Variants in GARNL3 observed in about 807,000 individuals in gnomAD.
The protein encoded by GARNL3 is GTPase activating Rap/RanGAP domain like 3, also known as GTPase-activating Rap/Ran-GAP domain-like protein 3.
In GARNL3, 63 loss-of-function variants were observed where a neutral mutation model predicts 125.0. The ratio of observed to expected loss-of-function variants is 0.50; its 90% CI spans 0.41 to 0.62. The LOEUF (loss-of-function observed/expected upper bound fraction) is 0.62. Among genes scored for constraint, GARNL3 ranks in the 20% least tolerant of loss-of-function variants. The pLI, the probability that GARNL3 is intolerant of heterozygous loss-of-function variation, is 0.00. For missense variants in GARNL3, 994 were observed against 1,244.0 expected, an observed-to-expected ratio of 0.80 and a Z score of 3.02; for synonymous variants, 439 against 457.5, an observed-to-expected ratio of 0.96 and a Z score of 0.52.
At chr9:127,365,608 G>A (rs1457919553) in intron 22 of GARNL3, among the ~76,000 whole-genome samples, 1 of 152,202 alleles carries the variant, frequency 6.6e-6, no homozygotes, top group Non-Finnish European at 1.5e-5. Context: ...CGCCAGTGAT[G>A]ACAATGGCTT....
chr9:127,244,057 G>T (rs1338768118), intron 2 of GARNL3, among the ~76,000 whole-genome samples: 1 of 152,216 alleles, frequency 6.6e-6, no homozygotes, highest in Non-Finnish European at 1.5e-5. Context: ...ATAAGGACAT[G>T]GATCAGAATC....
intron 6 of GARNL3, among the ~76,000 whole-genome samples, chr9:127,323,828 C>T (rs1219129794): frequency 5.9e-5 from 9 of 152,094 alleles, no homozygotes; most frequent in African/African-American, 2.2e-4. Context: ...ATAAAAACCA[C>T]AAGGTGTTGA....
chr9:127,343,043 A>G (rs1045526244), intron 14 of GARNL3, among the ~76,000 whole-genome samples: 2 of 151,790 alleles, frequency 1.3e-5, no homozygotes, highest in Non-Finnish European at 1.5e-5. Flanking sequence ...GGTTATAGGC[A>G]TACACCACTG....
upstream of GARNL3, among the ~76,000 whole-genome samples, chr9:127,262,273 C>T (rs1057324875): frequency 2.6e-5 from 4 of 152,240 alleles, no homozygotes; most frequent in Admixed American, 2.6e-4. Flanking sequence ...TTGCTCACAT[C>T]ATATTCTAGT....
chr9:127,350,946 G>A (rs1476572026), intron 17 of GARNL3, among the ~76,000 whole-genome samples: 1 of 152,100 alleles, frequency 6.6e-6, no homozygotes, highest in Non-Finnish European at 1.5e-5. Flanking sequence ...TCACAAAACT[G>A]GTTAGTGGCA....
At chr9:127,378,346 G>A (rs1832045509) in intron 22 of GARNL3, among the ~76,000 whole-genome samples, 1 of 152,050 alleles carries the variant, frequency 6.6e-6, no homozygotes, top group Non-Finnish European at 1.5e-5. Flanking sequence ...CCAGCACTTT[G>A]GGAGGCCAAG....
At chr9:127,279,505 A>G (rs1478979632) in intron 1 of GARNL3, among the ~76,000 whole-genome samples, 1 of 152,188 alleles carries the variant, frequency 6.6e-6, no homozygotes, top group African/African-American at 2.4e-5. Flanking sequence ...GTTCCCTAAA[A>G]TTAACATTTT....
At position 127,393,440 on chromosome 9, in the gene GARNL3, C is replaced by A. The variant is rs1832975865; in HGVS notation, c.*186C>A. The A allele has an allele frequency of 2.2e-6, 1 of 451,816 alleles. No homozygotes were observed. The highest frequency in any genetic ancestry group is 1.9e-5 in the African/African-American group (1 of 51,954). The allele number at this position is 451,816 out of a possible 1,614,324, so 28.0% of individuals were successfully genotyped here. On this transcript the variant is annotated 3_prime_UTR_variant, in exon 28 of 28. Transcript: ENST00000373387. ...GTGCCATCTTTCCTGACCTTTGTTT[C>A]TTTCTGTTCAGGAACCATCAGTCCC...
At chr9:127,262,577 G>A (rs529832020), upstream of GARNL3, among the ~76,000 whole-genome samples, 20 of 152,370 alleles carry the variant, frequency 1.3e-4, no homozygotes, top group Admixed American at 1.1e-3. Context: ...CAAGACAAAA[G>A]GAGAACAGGT....
intron 1 of GARNL3, among the ~76,000 whole-genome samples, chr9:127,267,964 A>G (rs1466307217): frequency 2.0e-5 from 3 of 152,238 alleles, no homozygotes; most frequent in Non-Finnish European, 2.9e-5. Context: ...TAATGAGAGA[A>G]GACTTAGGGC....
chr9:127,377,547 G>A (rs1250054470), intron 22 of GARNL3, among the ~76,000 whole-genome samples: 1 of 152,122 alleles, frequency 6.6e-6, no homozygotes, highest in Non-Finnish European at 1.5e-5. Flanking sequence ...AGCACTTTGG[G>A]AGGCTAAGGC....
intron 1 of GARNL3, among the ~76,000 whole-genome samples, chr9:127,283,279 T>C (rs1053484101): frequency 2.1e-4 from 32 of 152,196 alleles, no homozygotes; most frequent in African/African-American, 7.2e-4. Flanking sequence ...ATGGAAATAT[T>C]TTTATCTGTG....
chr9:127,346,871 G>C (rs571608074), intron 16 of GARNL3, among the ~76,000 whole-genome samples: 1 of 152,276 alleles, frequency 6.6e-6, no homozygotes, highest in African/African-American at 2.4e-5. Context: ...TTCTTAGAGA[G>C]TGCCCAGGAA....
intron 22 of GARNL3, among the ~76,000 whole-genome samples, chr9:127,380,679 A>G (rs1310430606): frequency 2.0e-5 from 3 of 152,224 alleles, no homozygotes; most frequent in Non-Finnish European, 4.4e-5. Flanking sequence ...GCCAGACACA[A>G]AAGGCCACAT....
rs2065102526 is a variant in GARNL3, at chr9:127,311,684, G to C, written c.268G>C (p.Glu90Gln). ...TTGGCGAAGAACAGACGTGCACTTA[G>C]AGAACCCAGAATACCACACCAGATG... is the stretch of plus-strand genomic sequence containing the variant. ...GTWRRTDVHL[E>Q]NPEYHTRWYF... is the part of the protein sequence containing the mutation. Residue 90 changes from glutamate (E) to glutamine (Q), a missense_variant, in exon 3 of 28, where the codon GAG becomes CAG. By Grantham distance (29) the Glu-to-Gln change is conservative. Transcript: ENST00000373387. 2 of 1,613,902 alleles carry C rather than the reference G, an allele frequency of 1.2e-6. No homozygotes were observed. The highest frequency in any genetic ancestry group is 1.7e-6 in the Non-Finnish European group (2 of 1,179,898).
intron 7 of GARNL3, among the ~76,000 whole-genome samples, chr9:127,327,893 A>G (rs1238527033): frequency 1.3e-5 from 2 of 152,242 alleles, no homozygotes; most frequent in Non-Finnish European, 2.9e-5. Flanking sequence ...ACATTTTGGT[A>G]TATATGTTTG....
intron 2 of GARNL3, among the ~76,000 whole-genome samples, chr9:127,295,842 G>C (rs1441924609): frequency 6.6e-6 from 1 of 152,064 alleles, no homozygotes; most frequent in Non-Finnish European, 1.5e-5. Context: ...GTGGGAGATG[G>C]TTTCAGGATG....
At chr9:127,371,185 AGTC>A (rs1831584653) in intron 22 of GARNL3, among the ~76,000 whole-genome samples, 1 of 152,332 alleles carries the variant, frequency 6.6e-6, no homozygotes, top group South Asian at 2.1e-4. Flanking sequence ...TTTATGGACC[AGTC>A]ACTCCTCACC....
In GARNL3 at chr9:127,320,747, C is replaced by T. The variant is rs1407586658; in HGVS notation, c.536C>T (p.Pro179Leu). The T allele has an allele frequency of 1.9e-6, 3 of 1,611,948 alleles. No homozygotes were observed. The highest frequency in any genetic ancestry group is 1.7e-4 in the Middle Eastern group (1 of 6,058). ...AATCTGGACAAATTTGAGAAAGGCC[C>T]CAGGGAAATTTTTCATCCTGAAATA... ...AMNLDKFEKGPREIFHPEIQK... is the reference protein window; with the variant it reads ...AMNLDKFEKGLREIFHPEIQK... Residue 179 changes from proline to leucine, a missense_variant, in exon 6 of 28, where the codon CCC becomes CTC. Physicochemically the swap from Pro to Leu is moderately conservative, Grantham distance 98 (BLOSUM62 -3). Coordinates refer to ENST00000373387, the MANE Select transcript of GARNL3 (RefSeq NM_032293.5).
Sources: gnomAD v4.1 joint callset for allele counts (sites outside exome capture counted in the v4.1 genomes callset) on GRCh38, gnomAD v4.1.1 for gene constraint, MANE v1.5 for transcripts, NCBI Gene and HGNC (gene_info 2026-07-23, HGNC 2026-07-21) for gene names.